The following PLCG2 variants were observed in gnomAD, a reference collection of about 807,000 sequenced individuals.
PLCG2 encodes phospholipase C gamma 2.
Under a neutral mutation model 175.6 loss-of-function variants are expected in PLCG2, and 69 were observed. That is an observed-to-expected ratio of 0.39 (90% CI 0.32 to 0.48). The LOEUF (loss-of-function observed/expected upper bound fraction) is 0.48, where lower values mean the gene tolerates loss of function less well. Among genes scored for constraint, PLCG2 ranks in the 20% least tolerant of loss-of-function variants. The pLI, the probability that PLCG2 is intolerant of heterozygous loss-of-function variation, is 0.91. For missense variants in PLCG2, 1,798 were observed against 1,650.9 expected, an observed-to-expected ratio of 1.09 and a Z score of -1.54; for synonymous variants, 827 against 624.0, an observed-to-expected ratio of 1.33 and a Z score of -4.85.
At chr16:81,756,751 T>G (rs560438514) in intron 2 of PLCG2, among the ~76,000 whole-genome samples, 1 of 152,280 alleles carries the variant, frequency 6.6e-6, no homozygotes, top group East Asian at 1.9e-4. Context: ...AGACAGTGAG[T>G]TGCCCAAACA....
At chr16:81,815,755 C>T (rs1209202786) in intron 2 of PLCG2, among the ~76,000 whole-genome samples, 3 of 152,142 alleles carry the variant, frequency 2.0e-5, no homozygotes, top group Non-Finnish European at 1.5e-5. Context: ...GTCTTAAGTG[C>T]GCTATAATTG....
At chr16:81,822,960 T>C (rs898471313) in intron 2 of PLCG2, among the ~76,000 whole-genome samples, 9 of 152,206 alleles carry the variant, frequency 5.9e-5, no homozygotes, top group African/African-American at 2.2e-4. Flanking sequence ...AAGGAGCCAG[T>C]GCTGCCGACA....
At chr16:81,877,461 A>G (rs1907855083) in intron 7 of PLCG2, among the ~76,000 whole-genome samples, 1 of 152,204 alleles carries the variant, frequency 6.6e-6, no homozygotes, top group Non-Finnish European at 1.5e-5. Context: ...TCTCAAACAA[A>G]CAAAACAACA....
chr16:81,811,882 C>T (rs990826848), intron 2 of PLCG2, among the ~76,000 whole-genome samples: 1 of 151,956 alleles, frequency 6.6e-6, no homozygotes, highest in Non-Finnish European at 1.5e-5. Flanking sequence ...TCGGTTTATA[C>T]CCAGTAATAG....
intron 4 of PLCG2, 76 bp downstream of exon 4, chr16:81,858,432 A>T: frequency 1.0e-6 from 1 of 971,496 alleles, no homozygotes; most frequent in Non-Finnish European, 1.6e-6. Context: ...CATGGGCTAC[A>T]GGGGGGAAAA....
chr16:81,809,697 G>T (rs780715839), intron 2 of PLCG2, among the ~76,000 whole-genome samples: 15 of 152,088 alleles, frequency 9.9e-5, no homozygotes, highest in African/African-American at 1.7e-4. Context: ...GTGAGCCTGT[G>T]TGTGCCTATG....
At chr16:81,824,707 A>T (rs534741251) in intron 2 of PLCG2, among the ~76,000 whole-genome samples, 1 of 152,132 alleles carries the variant, frequency 6.6e-6, no homozygotes, top group African/African-American at 2.4e-5. Context: ...CTGCCATGTG[A>T]CCTCTGGCCT....
intron 2 of PLCG2, among the ~76,000 whole-genome samples, chr16:81,820,115 C>T (rs1053847900): frequency 6.6e-6 from 1 of 152,182 alleles, no homozygotes; most frequent in African/African-American, 2.4e-5. Flanking sequence ...AGTTGTGCTT[C>T]ATATTTTAAG....
rs1211147810 is a variant in PLCG2 at position 81,959,274 on chromosome 16, AACCCATCTG to A, written c.*1281_*1289del. ...GATGTGGATGGAACTGGCCCCTAGA[AACCCATCTG>A]ACCCTCCTCTTGTTACCCGAAATGC... On this transcript the variant is annotated 3_prime_UTR_variant, in exon 33 of 33. Coordinates refer to ENST00000564138, the MANE Select transcript of PLCG2 (RefSeq NM_002661.5). The A allele has an allele frequency of 1.8e-5, 4 of 223,194 alleles. No individual in the cohort carries two copies. Among genetic ancestry groups the A allele is most frequent in the African/African-American group, 4.5e-5 (2 of 44,718 alleles). The allele number at this position is 223,194 out of a possible 1,614,324, so 13.8% of individuals were successfully genotyped here. A position where few individuals can be genotyped will look rare whatever the true frequency, so the allele number is the denominator to read the frequency against.
chr16:81,770,653 G>C (rs1213821783), intron 2 of PLCG2, among the ~76,000 whole-genome samples: 2 of 152,092 alleles, frequency 1.3e-5, no homozygotes, highest in Non-Finnish European at 2.9e-5. Flanking sequence ...GGAGAGGGCA[G>C]AGGTTGCAGT....
At chr16:81,863,766 A>G in intron 5 of PLCG2, among the ~76,000 whole-genome samples, 1 of 152,232 alleles carries the variant, frequency 6.6e-6, no homozygotes, top group East Asian at 1.9e-4. Context: ...TTGGCGTATA[A>G]CATTGGATTT....
At chr16:81,894,825 A>T (rs1908805024) in intron 12 of PLCG2, among the ~76,000 whole-genome samples, 1 of 152,096 alleles carries the variant, frequency 6.6e-6, no homozygotes, top group South Asian at 2.1e-4. Context: ...GTAAGCTGAG[A>T]TCGCGCCGCT....
At chr16:81,950,334 C>T (rs1457021359) in intron 31 of PLCG2, among the ~76,000 whole-genome samples, 3 of 151,990 alleles carry the variant, frequency 2.0e-5, no homozygotes, top group African/African-American at 4.8e-5. Context: ...TGTATTAAGA[C>T]GAACAATATG....
intron 7 of PLCG2, 104 bp downstream of exon 7, chr16:81,871,039 T>C: frequency 1.7e-6 from 1 of 594,432 alleles, no homozygotes; most frequent in Non-Finnish European, 2.9e-6. Context: ...TGAATCTCCA[T>C]TTTAGTCAAG....
intron 2 of PLCG2, among the ~76,000 whole-genome samples, chr16:81,853,178 A>G (rs1242484544): frequency 6.6e-6 from 1 of 152,116 alleles, no homozygotes; most frequent in Admixed American, 6.5e-5. Flanking sequence ...TAAAAATACA[A>G]AAACTAGCCG....
At chr16:81,889,067 T>C (rs1006109298) in intron 9 of PLCG2, 105 bp from the exon 10 acceptor site, 8 of 658,248 alleles carry the variant, frequency 1.2e-5, no homozygotes, top group Admixed American at 9.8e-5. Context: ...GAATTCGGAA[T>C]TGGTTGATGT....
At chr16:81,816,202 C>G (rs941224484) in intron 2 of PLCG2, among the ~76,000 whole-genome samples, 4 of 152,084 alleles carry the variant, frequency 2.6e-5, no homozygotes, top group African/African-American at 9.7e-5. Flanking sequence ...GAAACTCTGC[C>G]TCTACTAAAA....
At chr16:81,883,226 G>C (rs773630068) in intron 8 of PLCG2, 43 bp from the exon 9 acceptor site, 1 of 1,569,512 alleles carries the variant, frequency 6.4e-7, no homozygotes, top group Admixed American at 1.7e-5. Context: ...CTCCTCTGTT[G>C]AATGTGTCTG....
intron 1 of PLCG2, among the ~76,000 whole-genome samples, chr16:81,739,995 G>C (rs1032757872): frequency 4.3e-5 from 2 of 46,354 alleles, no homozygotes; most frequent in Non-Finnish European, 1.8e-4. Flanking sequence ...AAAATTAGCT[G>C]TGTGTGGTGG....
Sources: gnomAD v4.1 joint callset for allele counts (sites outside exome capture counted in the v4.1 genomes callset) on GRCh38, gnomAD v4.1.1 for gene constraint, MANE v1.5 for transcripts, NCBI Gene and HGNC (gene_info 2026-07-23, HGNC 2026-07-21) for gene names.